The following WSCD2 variants were observed in gnomAD, a reference collection of about 807,000 sequenced individuals.
The protein encoded by WSCD2 is WSC domain sialate O sulfotransferase 2, also known as sialate:O-sulfotransferase 2.
Under a neutral mutation model 55.7 loss-of-function variants are expected in WSCD2, and 28 were observed. That is an observed-to-expected ratio of 0.50 (90% confidence interval 0.37 to 0.69). WSCD2 has a LOEUF of 0.69. WSCD2 is among the 30% of genes least tolerant of loss of function. The probability of loss-of-function intolerance (pLI) is 0.00; values close to 1 mark genes in which losing one functional copy is unlikely to be tolerated. For missense variants in WSCD2, 616 were observed against 762.1 expected, an observed-to-expected ratio of 0.81 and a Z score of 2.26; for synonymous variants, 301 against 301.9, an observed-to-expected ratio of 1.00 and a Z score of 0.03.
Position 108,210,245 on chromosome 12 carries a change from G to A in WSCD2, c.622G>A (p.Gly208Ser), listed in dbSNP as rs942072973. 10 of 1,600,392 alleles carry A rather than the reference G, an allele frequency of 6.2e-6. No homozygotes were observed. Among genetic ancestry groups the A allele is most frequent in the African/African-American group, 1.3e-5 (1 of 74,812 alleles). Residue 208 changes from glycine (G) to serine (S), a missense_variant, in exon 4 of 9, where the codon GGC (glycine) becomes AGC (serine). Around this residue, in one of 3 missense-constraint regions of WSCD2, gnomAD observed 374 missense variants for 467.4 expected, o/e 0.80. Transcript: ENST00000547525. The surrounding 1 kb of genome is among the most constrained non-coding windows in gnomAD (Gnocchi z 4.3). ...CAAGGGCGAGCGAGGCAGCGTGTGCGGCGGCGCCAACCGCCTCTCTGTCTA... is the reference window on the plus strand; with the variant it reads ...CAAGGGCGAGCGAGGCAGCGTGTGCAGCGGCGCCAACCGCCTCTCTGTCTA... ...ECKGERGSVC[G>S]GANRLSVYRL...
chr12:108,145,168 T>G (rs1423685790), intron 1 of WSCD2, among the ~76,000 whole-genome samples: 1 of 152,196 alleles, frequency 6.6e-6, no homozygotes, highest in African/African-American at 2.4e-5. Flanking sequence ...TCAGGACCTT[T>G]GCACATACTG....
Position 108,210,206 on chromosome 12 carries a change from T to C in WSCD2, c.583T>C (p.Cys195Arg). 6.2e-7 allele frequency: 1 copy of C among 1,613,802 alleles called. No individual in the cohort carries two copies. Among genetic ancestry groups the C allele is most frequent in the Non-Finnish European group, 8.5e-7 (1 of 1,179,928 alleles). Reference sequence around the variant, plus strand: ...GGCGACGAACGTGAGCGAGGCAGAGTGCGACATGGAGTGCAAGGGCGAGCG... The same window carrying C: ...GGCGACGAACGTGAGCGAGGCAGAGCGCGACATGGAGTGCAAGGGCGAGCG... The part of the protein sequence containing the change: ...IQATNVSEAE[C>R]DMECKGERGS... The change falls in exon 4 of 9, where the codon TGC (cysteine) becomes CGC (arginine). Residue 195 changes from cysteine to arginine, a missense_variant. Cys to Arg is a radical substitution (Grantham distance 180). This residue lies in a region of WSCD2 where 374 missense variants were observed against 467.4 expected (regional missense o/e 0.80). Coordinates refer to ENST00000547525, the MANE Select transcript of WSCD2 (RefSeq NM_014653.4). This position sits in a 1 kb window ranked among gnomAD's most constrained non-coding sequence, Gnocchi z 4.3.
chr12:108,242,950 G>T (rs975279724), intron 8 of WSCD2, among the ~76,000 whole-genome samples: 4 of 152,214 alleles, frequency 2.6e-5, no homozygotes, highest in African/African-American at 7.2e-5. Context: ...TCTGAGATGG[G>T]AGAAGGGATC....
intron 1 of WSCD2, among the ~76,000 whole-genome samples, chr12:108,187,357 T>G (rs1882631085): frequency 6.6e-6 from 1 of 152,188 alleles, no homozygotes; most frequent in African/African-American, 2.4e-5. Flanking sequence ...GGGCAAAGGG[T>G]ATTGTCATGA....
At chr12:108,239,720 C>A (rs1889561235) in intron 7 of WSCD2, among the ~76,000 whole-genome samples, 1 of 151,976 alleles carries the variant, frequency 6.6e-6, no homozygotes, top group Non-Finnish European at 1.5e-5. Flanking sequence ...CTCTTCTTTT[C>A]TTTTTTTGTC....
At chr12:108,165,018 C>T (rs1243503228) in intron 1 of WSCD2, among the ~76,000 whole-genome samples, 1 of 152,152 alleles carries the variant, frequency 6.6e-6, no homozygotes, top group Non-Finnish European at 1.5e-5. Flanking sequence ...AAAAGAAAGA[C>T]TTTATTGTAA....
chr12:108,140,126 G>A (rs756651158), intron 1 of WSCD2, among the ~76,000 whole-genome samples: 3 of 152,162 alleles, frequency 2.0e-5, no homozygotes, highest in Admixed American at 6.5e-5. Context: ...CCCGAGTCAC[G>A]CCCAGGGTCA....
chr12:108,198,102 C>T (rs1884171569), intron 2 of WSCD2, among the ~76,000 whole-genome samples: 1 of 151,834 alleles, frequency 6.6e-6, no homozygotes, highest in Non-Finnish European at 1.5e-5. Context: ...CATCATAACA[C>T]TTATCACCAT....
intron 1 of WSCD2, among the ~76,000 whole-genome samples, chr12:108,175,362 A>T (rs540819195): frequency 1.3e-5 from 2 of 152,188 alleles, no homozygotes; most frequent in Non-Finnish European, 2.9e-5. Context: ...AGGGTTCCAC[A>T]GACTAAAAGA....
At chr12:108,198,260 G>A (rs1427068824) in intron 2 of WSCD2, among the ~76,000 whole-genome samples, 1 of 152,050 alleles carries the variant, frequency 6.6e-6, no homozygotes, top group Non-Finnish European at 1.5e-5. Context: ...AAGTGCTGTT[G>A]CTGAATACCT....
rs1353941970 is a variant in WSCD2, at chr12:108,210,171, A to T, written c.548A>T (p.His183Leu). ...TTCGGCGCCGAGTGCTACTGCGGCC[A>T]CAAGATCCAGGCGACGAACGTGAGC... ...LEFGAECYCG[H>L]KIQATNVSEA... Residue 183 changes from histidine to leucine, a missense_variant, in exon 4 of 9, where the codon CAC (histidine) becomes CTC (leucine). By Grantham distance (99) the His-to-Leu change is moderately conservative. This residue lies in a region of WSCD2 where 374 missense variants were observed against 467.4 expected (regional missense o/e 0.80). Transcript: ENST00000547525. This position sits in a 1 kb window ranked among gnomAD's most constrained non-coding sequence, Gnocchi z 4.3. The T allele has an allele frequency of 6.2e-7, 1 of 1,614,116 alleles. No individual in the cohort carries two copies. Among genetic ancestry groups the T allele is most frequent in the South Asian group, 1.1e-5 (1 of 91,080 alleles).
intron 3 of WSCD2, among the ~76,000 whole-genome samples, 186 bp from the exon 4 acceptor site, chr12:108,209,935 C>T (rs1332290562): frequency 6.6e-6 from 1 of 152,084 alleles, no homozygotes; most frequent in African/African-American, 2.4e-5. Context: ...GGTCTCCTGT[C>T]CCCTGAGGTC....
intron 1 of WSCD2, among the ~76,000 whole-genome samples, chr12:108,190,452 C>T (rs1251540282): frequency 6.6e-6 from 1 of 152,146 alleles, no homozygotes; most frequent in East Asian, 1.9e-4. Context: ...CTGGGGATTA[C>T]AGAGAGGGAG....
Position 108,210,023 on chromosome 12 carries a change from C to T in WSCD2, c.498-98C>T. 1 of 1,511,632 alleles carries T rather than the reference C, an allele frequency of 6.6e-7. No individual in the cohort carries two copies. The highest frequency in any genetic ancestry group is 1.2e-5 in the South Asian group (1 of 81,066). 93.6% of individuals were successfully genotyped at this position (1,511,632 alleles called of 1,614,324 possible). A position where few individuals can be genotyped will look rare whatever the true frequency, so the allele number is the denominator to read the frequency against. On this transcript the variant is annotated intron_variant, in intron 3 of 8. Coordinates refer to ENST00000547525, the MANE Select transcript of WSCD2 (RefSeq NM_014653.4). This position sits in a 1 kb window ranked among gnomAD's most constrained non-coding sequence, Gnocchi z 4.3. ...CCCATTTCCCCTGGGATCTCCTGGT[C>T]CCCAGAGCCCTCCCATCCCCCAGGT...
chr12:108,204,847 C>T (rs911018342), intron 2 of WSCD2, among the ~76,000 whole-genome samples: 1 of 152,244 alleles, frequency 6.6e-6, no homozygotes, highest in African/African-American at 2.4e-5. Flanking sequence ...CTGCTAGATC[C>T]TGCTCTCCCC....
At chr12:108,200,249 T>C (rs556814862) in intron 2 of WSCD2, among the ~76,000 whole-genome samples, 3 of 152,324 alleles carry the variant, frequency 2.0e-5, no homozygotes, top group African/African-American at 7.2e-5. Context: ...CAGGGACTAT[T>C]TGTCCATATT....
At chr12:108,180,910 C>T (rs1386409466) in intron 1 of WSCD2, among the ~76,000 whole-genome samples, 6 of 152,244 alleles carry the variant, frequency 3.9e-5, no homozygotes, top group Non-Finnish European at 7.3e-5. Context: ...AGGTTGTGAG[C>T]CTGTGAAAAT....
At chr12:108,233,633 T>C (rs1391844277) in intron 7 of WSCD2, among the ~76,000 whole-genome samples, 1 of 151,508 alleles carries the variant, frequency 6.6e-6, no homozygotes, top group Non-Finnish European at 1.5e-5. Flanking sequence ...GAGAAATAAC[T>C]TGCCCAAAGT....
intron 1 of WSCD2, among the ~76,000 whole-genome samples, chr12:108,190,120 G>C (rs908387180): frequency 6.6e-6 from 1 of 152,186 alleles, no homozygotes; most frequent in Non-Finnish European, 1.5e-5. Flanking sequence ...GTTCAAAGAA[G>C]TTAATGACCA....
Sources: gnomAD v4.1 joint callset for allele counts (sites outside exome capture counted in the v4.1 genomes callset) on GRCh38, gnomAD v4.1.1 for gene constraint, gnomAD v4.1.1 regional missense constraint, Gnocchi (gnomAD v3.1) non-coding constraint, MANE v1.5 for transcripts, NCBI Gene and HGNC (gene_info 2026-07-23, HGNC 2026-07-21) for gene names.